Variants in EXOC6B observed in about 807,000 individuals in gnomAD.
The protein encoded by EXOC6B is exocyst complex component 6B, also known as SEC15 homolog B.
EXOC6B carries 54 observed loss-of-function variants against 113.5 expected under a neutral mutation model. That is an observed-to-expected ratio of 0.48 (90% CI 0.38 to 0.60). The LOEUF is 0.60. Among genes scored for constraint, EXOC6B ranks in the 20% least tolerant of loss-of-function variants. The probability of loss-of-function intolerance (pLI) is 0.00; values close to 1 mark genes in which losing one functional copy is unlikely to be tolerated. For synonymous variants in EXOC6B, 357 were observed against 339.0 expected (o/e 1.05, Z -0.58); for missense variants, 797 against 977.5 (o/e 0.82, Z 2.46).
At chr2:72,243,809 G>T (rs1682480433) in intron 20 of EXOC6B, among the ~76,000 whole-genome samples, 1 of 152,072 alleles carries the variant, frequency 6.6e-6, no homozygotes, top group Non-Finnish European at 1.5e-5. Context: ...GGATAAAGAG[G>T]AACATTACAT....
intron 18 of EXOC6B, among the ~76,000 whole-genome samples, chr2:72,424,399 G>A (rs2105274741): frequency 6.6e-6 from 1 of 151,550 alleles, no homozygotes. Context: ...TAAAATTGTA[G>A]CATTCTTTTA....
intron 6 of EXOC6B, among the ~76,000 whole-genome samples, chr2:72,689,609 C>A (rs1438146640): frequency 6.6e-6 from 1 of 152,122 alleles, no homozygotes; most frequent in East Asian, 1.9e-4. Context: ...AATCAATGCT[C>A]CTTTCTGATA....
At chr2:72,480,382 T>C (rs983565088) in intron 17 of EXOC6B, among the ~76,000 whole-genome samples, 3 of 152,026 alleles carry the variant, frequency 2.0e-5, no homozygotes, top group Non-Finnish European at 4.4e-5. Flanking sequence ...TAAGGAAGGG[T>C]TTAGAGACAC....
chr2:72,487,273 T>C (rs1699478657), intron 16 of EXOC6B, among the ~76,000 whole-genome samples: 1 of 152,242 alleles, frequency 6.6e-6, no homozygotes, highest in Non-Finnish European at 1.5e-5. Flanking sequence ...CATTTAGTTG[T>C]CACGTCTTCT....
At chr2:72,389,067 G>A (rs1692217851) in intron 18 of EXOC6B, among the ~76,000 whole-genome samples, 1 of 151,992 alleles carries the variant, frequency 6.6e-6, no homozygotes, top group Non-Finnish European at 1.5e-5. Flanking sequence ...ATAATTCACA[G>A]TACGATTGGA....
At chr2:72,696,022 C>T (rs1349759947) in intron 6 of EXOC6B, among the ~76,000 whole-genome samples, 46 of 151,982 alleles carry the variant, frequency 3.0e-4, no homozygotes, top group Non-Finnish European at 1.8e-4. Context: ...ATATAATTTT[C>T]ATCTTAAAAA....
intron 6 of EXOC6B, among the ~76,000 whole-genome samples, chr2:72,588,816 T>C (rs547429281): frequency 7.3e-4 from 111 of 152,210 alleles, no homozygotes; most frequent in Admixed American, 1.2e-3. Flanking sequence ...ATTTTAATGA[T>C]GGACACATAG....
At chr2:72,482,343 G>A (rs953170808) in intron 16 of EXOC6B, among the ~76,000 whole-genome samples, 2 of 152,090 alleles carry the variant, frequency 1.3e-5, no homozygotes, top group Admixed American at 1.3e-4. Context: ...GAAATAGAAT[G>A]GACCTTTTTT....
chr2:72,625,462 G>C (rs1446895), intron 6 of EXOC6B, among the ~76,000 whole-genome samples: 140,405 of 152,132 alleles, frequency 0.92, 64,861 homozygotes, highest in East Asian at 0.99. Context: ...ACACAAAATT[G>C]ATTGCCAGAC....
chr2:72,634,765 GT>G (rs1672707657), intron 6 of EXOC6B, among the ~76,000 whole-genome samples: 1 of 152,192 alleles, frequency 6.6e-6, no homozygotes, highest in Admixed American at 6.5e-5. Context: ...AACTGCTGAA[GT>G]TTCAAACTTG....
At chr2:72,495,384 G>T in intron 15 of EXOC6B, 46 bp downstream of exon 15, 1 of 1,046,582 alleles carries the variant, frequency 9.6e-7, no homozygotes, top group Non-Finnish European at 1.4e-6. Context: ...AATACATGGA[G>T]TCACAATCTT....
intron 6 of EXOC6B, among the ~76,000 whole-genome samples, chr2:72,708,715 TTACTA>T (rs1198018342): frequency 1.3e-5 from 2 of 152,006 alleles, no homozygotes; most frequent in African/African-American, 2.4e-5. Flanking sequence ...AAAGTGAACT[TTACTA>T]TACGTAATTT....
At chr2:72,457,477 G>A (rs943493907) in intron 18 of EXOC6B, among the ~76,000 whole-genome samples, 2 of 152,072 alleles carry the variant, frequency 1.3e-5, no homozygotes, top group African/African-American at 4.8e-5. Context: ...TCGGCTATGA[G>A]AGATCTTGCC....
chr2:72,195,684 T>C (rs1252336958), intron 20 of EXOC6B, among the ~76,000 whole-genome samples: 1 of 152,194 alleles, frequency 6.6e-6, no homozygotes, highest in Non-Finnish European at 1.5e-5. Flanking sequence ...ACTAACAATG[T>C]AAGTGTAAGC....
chr2:72,755,867 T>C (rs535190904), intron 1 of EXOC6B, among the ~76,000 whole-genome samples: 6 of 151,722 alleles, frequency 4.0e-5, no homozygotes, highest in Non-Finnish European at 7.4e-5. Flanking sequence ...TTAGAAAAAA[T>C]TGCTTCCAGG....
chr2:72,232,772 T>A (rs1681708437), intron 20 of EXOC6B, among the ~76,000 whole-genome samples: 1 of 152,106 alleles, frequency 6.6e-6, no homozygotes, highest in African/African-American at 2.4e-5. Context: ...ATGTATTACT[T>A]TTATTATAAA....
rs139596953 is a variant in EXOC6B, at chr2:72,771,884, A to G, written c.114-30415T>C. Among the ~76,000 whole-genome samples, 352 of 152,288 alleles carry G rather than the reference A, an allele frequency of 2.3e-3. 1 individual carries two copies. The highest frequency in any genetic ancestry group is 4.2e-3 in the Non-Finnish European group (283 of 68,022). On this transcript the variant is annotated intron_variant, in intron 1 of 21. Coordinates refer to ENST00000272427, the MANE Select transcript of EXOC6B (RefSeq NM_015189.3). ...GCTTTTGCTTATATGAATTATATAT[A>G]TATTAGTATGTGCTATTTTAGATAT...
At chr2:72,271,537 G>A (rs1684482845) in intron 20 of EXOC6B, among the ~76,000 whole-genome samples, 1 of 151,998 alleles carries the variant, frequency 6.6e-6, no homozygotes, top group Admixed American at 6.6e-5. Flanking sequence ...GGAAGGTAGG[G>A]AGGAAGAAGA....
chr2:72,353,177 A>T (rs1244891505), intron 19 of EXOC6B, among the ~76,000 whole-genome samples: 1 of 152,148 alleles, frequency 6.6e-6, no homozygotes, highest in Non-Finnish European at 1.5e-5. Flanking sequence ...TCGTTGATAG[A>T]GCAGAAAGAG....
Sources: gnomAD v4.1 joint callset for allele counts (sites outside exome capture counted in the v4.1 genomes callset) on GRCh38, gnomAD v4.1.1 for gene constraint, MANE v1.5 for transcripts, NCBI Gene and HGNC (gene_info 2026-07-23, HGNC 2026-07-21) for gene names.